Variants in RGS10 observed in about 807,000 individuals in gnomAD.
RGS10 encodes the protein regulator of G-protein signalling 10.
RGS10 carries 11 observed loss-of-function variants against 23.5 expected under a neutral mutation model. That is an observed-to-expected ratio of 0.47 (90% confidence interval 0.29 to 0.77). RGS10 has a LOEUF of 0.77. Among genes scored for constraint, RGS10 ranks in the 30% least tolerant of loss-of-function variants. RGS10 has a pLI of 0.08. For missense variants in RGS10, 180 were observed against 226.3 expected, an observed-to-expected ratio of 0.80 and a Z score of 1.31; for synonymous variants, 77 against 83.2, an observed-to-expected ratio of 0.92 and a Z score of 0.41.
intron 1 of RGS10, chr10:119,536,382 A>G: frequency 7.6e-7 from 1 of 1,311,526 alleles, no homozygotes; most frequent in Non-Finnish European, 1.1e-6. Flanking sequence ...CTCACAGCAC[A>G]CTCTTCCCAG....
At chr10:119,513,618 C>T (rs763958008) in intron 4 of RGS10, among the ~76,000 whole-genome samples, 1 of 152,160 alleles carries the variant, frequency 6.6e-6, no homozygotes, top group African/African-American at 2.4e-5. Context: ...GGTCCAGCTC[C>T]GTTCTGAGCT....
chr10:119,522,859 G>T (rs1844233979), intron 3 of RGS10, among the ~76,000 whole-genome samples: 1 of 150,990 alleles, frequency 6.6e-6, no homozygotes, highest in Admixed American at 6.6e-5. Flanking sequence ...AATGCCTGGA[G>T]TCAGAAATGT....
chr10:119,504,772 C>T (rs921520699), intron 4 of RGS10, among the ~76,000 whole-genome samples: 12 of 152,158 alleles, frequency 7.9e-5, no homozygotes, highest in Middle Eastern at 3.4e-3. Flanking sequence ...TGCCAAGGAG[C>T]GCTAAGGAGT....
chr10:119,542,562 G>A, intron 1 of RGS10, 28 bp downstream of exon 1: 2 of 1,385,608 alleles, frequency 1.4e-6, no homozygotes, highest in African/African-American at 1.5e-5. Flanking sequence ...CCCCGACCCC[G>A]AGCCCGCGGG....
intron 3 of RGS10, among the ~76,000 whole-genome samples, chr10:119,522,718 C>CAAA (rs111696085): frequency 1.1e-4 from 12 of 114,100 alleles, no homozygotes; most frequent in African/African-American, 2.3e-4. Context: ...AACTCCGTCT[C>CAAA]AAAAAAAAAA....
At chr10:119,519,404 T>G (rs553123924) in intron 3 of RGS10, among the ~76,000 whole-genome samples, 35 of 125,452 alleles carry the variant, frequency 2.8e-4, no homozygotes, top group African/African-American at 1.0e-3. Flanking sequence ...AGCTCCTGTC[T>G]CCCTGTGTCT....
At position 119,517,833 on chromosome 10, in the gene RGS10, G is replaced by T. The variant is rs1432155107; in HGVS notation, c.256-2181C>A. On this transcript the variant is annotated intron_variant, in intron 3 of 4. Transcript: ENST00000369103. This position sits in a 1 kb window ranked among gnomAD's most constrained non-coding sequence, Gnocchi z 5.0. Reference sequence around the variant, plus strand: ...AGGAAGTAGGTTCCAGTGACTGCAGGTATATAAGCTTTGAGGGTCTCAGCC... The same window carrying T: ...AGGAAGTAGGTTCCAGTGACTGCAGTTATATAAGCTTTGAGGGTCTCAGCC... 6.6e-6 allele frequency among the ~76,000 whole-genome samples: 1 copy of T among 152,232 alleles called. No homozygotes were observed. The highest frequency in any genetic ancestry group is 6.5e-5 in the Admixed American group (1 of 15,286).
At position 119,526,990 on chromosome 10, in the gene RGS10, G is replaced by C. The variant is rs1033324663; in HGVS notation, c.168+316C>G. ...AGAGAACAAGCCTTCACGTCAGAGA[G>C]ACCCAGAGCTGGGAATTCCTCATAC... On this transcript the variant is annotated intron_variant, in intron 2 of 4. Coordinates refer to ENST00000369103, the MANE Select transcript of RGS10 (RefSeq NM_001005339.2). Among the ~76,000 whole-genome samples, 152 of 152,164 alleles carry C rather than the reference G, an allele frequency of 1.0e-3. 2 individuals carry two copies. The highest frequency in any genetic ancestry group is 3.5e-3 in the African/African-American group (146 of 41,490).
At chr10:119,522,857 G>A (rs1844233862) in intron 3 of RGS10, among the ~76,000 whole-genome samples, 1 of 151,358 alleles carries the variant, frequency 6.6e-6, no homozygotes, top group African/African-American at 2.4e-5. Context: ...GGAATGCCTG[G>A]AGTCAGAAAT....
chr10:119,510,016 G>A (rs1389341373), intron 4 of RGS10, among the ~76,000 whole-genome samples: 1 of 152,132 alleles, frequency 6.6e-6, no homozygotes. Context: ...CAAATGGTGA[G>A]CCACAGTCAG....
Position 119,527,387 on chromosome 10 carries a change from G to A in RGS10, c.87C>T (p.His29=). Residue 29 remains histidine, a synonymous_variant, in exon 2 of 5, where the codon CAC becomes CAT. Transcript: ENST00000369103. This position sits in a 1 kb window ranked among gnomAD's most constrained non-coding sequence, Gnocchi z 4.2. ...HDSDGSSSSS[H]QSLKSTAKWA... is the part of the protein sequence containing the mutation. ...ATTTGGCTGTGCTCTTGAGGCTCTGGTGGCTGCTGCTGGAACTGCCATCGC... is the reference window on the plus strand; with the variant it reads ...ATTTGGCTGTGCTCTTGAGGCTCTGATGGCTGCTGCTGGAACTGCCATCGC... The A allele has an allele frequency of 1.9e-6, 3 of 1,614,218 alleles. No individual in the cohort carries two copies. The highest frequency in any genetic ancestry group is 2.2e-5 in the South Asian group (2 of 91,080).
chr10:119,515,194 G>A (rs931323828), intron 4 of RGS10, among the ~76,000 whole-genome samples: 4 of 152,076 alleles, frequency 2.6e-5, no homozygotes, highest in Non-Finnish European at 4.4e-5. Context: ...AGCAATTATA[G>A]GTTGCTTTCT....
chr10:119,507,825 T>C (rs1844032950), intron 4 of RGS10, among the ~76,000 whole-genome samples: 1 of 151,894 alleles, frequency 6.6e-6, no homozygotes, highest in Non-Finnish European at 1.5e-5. Context: ...CCTCAGGTGA[T>C]CCGCCCACCT....
chr10:119,537,795 CT>C (rs1844403226), intron 1 of RGS10, among the ~76,000 whole-genome samples: 1 of 152,290 alleles, frequency 6.6e-6, no homozygotes, highest in Non-Finnish European at 1.5e-5. Flanking sequence ...GTGAACTGTG[CT>C]GGTAGAGGAA....
At chr10:119,503,556 G>A (rs1843975840) in intron 4 of RGS10, among the ~76,000 whole-genome samples, 3 of 152,174 alleles carry the variant, frequency 2.0e-5, no homozygotes, top group South Asian at 4.1e-4. Context: ...CGGCTGCAGT[G>A]CCCTCCAGCC....
At chr10:119,509,643 G>C (rs1157258476) in intron 4 of RGS10, among the ~76,000 whole-genome samples, 1 of 152,038 alleles carries the variant, frequency 6.6e-6, no homozygotes, top group African/African-American at 2.4e-5. Flanking sequence ...GCAGCAGGGG[G>C]AGTCAGATCT....
intron 1 of RGS10, among the ~76,000 whole-genome samples, chr10:119,534,180 C>T (rs966406346): frequency 4.6e-5 from 7 of 151,542 alleles, no homozygotes; most frequent in South Asian, 2.1e-4. Context: ...CACTTGAACC[C>T]GGGAGGCGGA....
At chr10:119,531,520 C>T (rs993622343) in intron 1 of RGS10, among the ~76,000 whole-genome samples, 1 of 152,158 alleles carries the variant, frequency 6.6e-6, no homozygotes, top group African/African-American at 2.4e-5. Context: ...CCAACCCCCA[C>T]CCTTTATTTC....
At chr10:119,526,762 G>A (rs1474203761) in intron 2 of RGS10, among the ~76,000 whole-genome samples, 1 of 152,140 alleles carries the variant, frequency 6.6e-6, no homozygotes, top group East Asian at 1.9e-4. Flanking sequence ...CTTAAAGACA[G>A]AAGTAACCAG....
Sources: gnomAD v4.1 joint callset for allele counts (sites outside exome capture counted in the v4.1 genomes callset) on GRCh38, gnomAD v4.1.1 for gene constraint, Gnocchi (gnomAD v3.1) non-coding constraint, MANE v1.5 for transcripts, NCBI Gene and HGNC (gene_info 2026-07-23, HGNC 2026-07-21) for gene names.